ASCC3: variants seen among roughly 807,000 people sequenced by gnomAD.
ASCC3 encodes ASC-1 complex subunit P200.
ASCC3 carries 158 observed loss-of-function variants against 256.3 expected under a neutral mutation model. The observed-to-expected ratio is 0.62, with a 90% CI of 0.54 to 0.70. The LOEUF is 0.70. Ranked by LOEUF, ASCC3 falls within the 30% of genes least tolerant of loss-of-function variation. The pLI, the probability that ASCC3 is intolerant of heterozygous loss-of-function variation, is 0.00. For missense variants in ASCC3, 2,259 were observed against 2,626.0 expected, an observed-to-expected ratio of 0.86 and a Z score of 3.05; for synonymous variants, 948 against 883.4, an observed-to-expected ratio of 1.07 and a Z score of -1.30.
intron 37 of ASCC3, among the ~76,000 whole-genome samples, chr6:100,522,273 G>A (rs562408713): frequency 1.3e-4 from 20 of 152,066 alleles, no homozygotes; most frequent in Admixed American, 2.6e-4. Context: ...TTGTTGATTC[G>A]GAATTGTTTG....
At chr6:100,772,423 T>C (rs1426106881) in intron 8 of ASCC3, among the ~76,000 whole-genome samples, 1 of 152,222 alleles carries the variant, frequency 6.6e-6, no homozygotes, top group Non-Finnish European at 1.5e-5. Context: ...CATCGACAGA[T>C]AAATGGATAA....
chr6:100,692,208 G>A (rs1355658893), intron 13 of ASCC3, among the ~76,000 whole-genome samples: 1 of 151,968 alleles, frequency 6.6e-6, no homozygotes, highest in Non-Finnish European at 1.5e-5. Flanking sequence ...TCTCTGGTAT[G>A]ACTTTCTCTT....
intron 10 of ASCC3, among the ~76,000 whole-genome samples, chr6:100,748,757 C>A (rs1046868325): frequency 1.6e-4 from 25 of 151,954 alleles, no homozygotes; most frequent in African/African-American, 6.0e-4. Context: ...ATTTTTTAGA[C>A]ATAGCAGATC....
chr6:100,658,760 A>G (rs1196226432), intron 16 of ASCC3, among the ~76,000 whole-genome samples: 1 of 151,642 alleles, frequency 6.6e-6, no homozygotes, highest in Admixed American at 6.6e-5. Context: ...TTCAGATTGT[A>G]GAGGCCTTAA....
At chr6:100,699,163 G>A (rs1053355811) in intron 13 of ASCC3, among the ~76,000 whole-genome samples, 4 of 152,160 alleles carry the variant, frequency 2.6e-5, no homozygotes, top group Non-Finnish European at 4.4e-5. Flanking sequence ...TGGTTTGGCT[G>A]TGTCCCCACA....
intron 14 of ASCC3, among the ~76,000 whole-genome samples, chr6:100,678,647 T>C (rs1159738317): frequency 1.3e-5 from 2 of 151,676 alleles, no homozygotes; most frequent in African/African-American, 4.8e-5. Context: ...TCTTACGTTA[T>C]ATATATATAT....
chr6:100,666,237 G>A (rs1227411352), intron 14 of ASCC3, among the ~76,000 whole-genome samples: 1 of 152,064 alleles, frequency 6.6e-6, no homozygotes, highest in African/African-American at 2.4e-5. Flanking sequence ...GAAGGACATG[G>A]GGGTTGTTTC....
At chr6:100,624,054 C>T (rs967458578) in intron 30 of ASCC3, among the ~76,000 whole-genome samples, 1 of 151,240 alleles carries the variant, frequency 6.6e-6, no homozygotes, top group African/African-American at 2.4e-5. Context: ...CAACATGGCA[C>T]ATGTATACAT....
At chr6:100,618,797 T>C (rs1773798306) in intron 30 of ASCC3, among the ~76,000 whole-genome samples, 1 of 152,206 alleles carries the variant, frequency 6.6e-6, no homozygotes, top group African/African-American at 2.4e-5. Flanking sequence ...CTTTGGATTT[T>C]AATTCTCTTT....
chr6:100,725,505 C>T, intron 11 of ASCC3, 34 bp downstream of exon 11: 2 of 1,605,888 alleles, frequency 1.2e-6, no homozygotes, highest in Non-Finnish European at 1.7e-6. Context: ...ATATTTATCC[C>T]TTCAAAATAA....
intron 30 of ASCC3, among the ~76,000 whole-genome samples, chr6:100,611,819 T>G (rs1432723093): frequency 6.6e-6 from 1 of 151,824 alleles, no homozygotes; most frequent in Non-Finnish European, 1.5e-5. Flanking sequence ...AATGGATGCC[T>G]TAGGACATTA....
chr6:100,526,380 G>A (rs747692533), intron 37 of ASCC3, among the ~76,000 whole-genome samples: 1 of 152,178 alleles, frequency 6.6e-6, no homozygotes, highest in Non-Finnish European at 1.5e-5. Context: ...TATAAGGAGA[G>A]GAGCAGGGGG....
At chr6:100,847,386 T>G (rs1279957164) in intron 4 of ASCC3, among the ~76,000 whole-genome samples, 1 of 152,116 alleles carries the variant, frequency 6.6e-6, no homozygotes, top group African/African-American at 2.4e-5. Flanking sequence ...AAAAGACTGA[T>G]CACAGAATTA....
intron 18 of ASCC3, among the ~76,000 whole-genome samples, chr6:100,651,945 G>A (rs925632467): frequency 5.3e-5 from 8 of 151,884 alleles, no homozygotes; most frequent in African/African-American, 1.9e-4. Context: ...ATAAAATTCT[G>A]GTTTGTGCTT....
intron 14 of ASCC3, among the ~76,000 whole-genome samples, chr6:100,664,001 A>G (rs1238681479): frequency 6.6e-6 from 1 of 152,170 alleles, no homozygotes; most frequent in Non-Finnish European, 1.5e-5. Context: ...GGTGAGATTT[A>G]GTATACTTAT....
rs186324386 is a variant in ASCC3, at chr6:100,625,594, T to G, written c.4643-260A>C. 8.3e-4 allele frequency among the ~76,000 whole-genome samples: 127 copies of G among 152,108 alleles called. 2 individuals are homozygous for G. The highest frequency in any genetic ancestry group is 2.4e-4 in the Non-Finnish European group (16 of 67,914). Reference sequence around the variant, plus strand: ...TGCTGGGTCCAAGTTCTATTCTGAGTTGCCAAGGAAGGAGAAACTTAAAGA... The same window carrying G: ...TGCTGGGTCCAAGTTCTATTCTGAGGTGCCAAGGAAGGAGAAACTTAAAGA... On this transcript the variant is annotated intron_variant, in intron 29 of 41. Transcript: ENST00000369162.
At chr6:100,567,266 T>C (rs1052134213) in intron 36 of ASCC3, among the ~76,000 whole-genome samples, 1 of 152,110 alleles carries the variant, frequency 6.6e-6, no homozygotes, top group African/African-American at 2.4e-5. Flanking sequence ...GTAATATATA[T>C]GGCTCAAGCT....
chr6:100,662,169 TA>T, intron 15 of ASCC3, 139 bp from the exon 16 acceptor site: 3 of 1,121,366 alleles, frequency 2.7e-6, no homozygotes, highest in South Asian at 1.5e-5. Context: ...TGTGATAGAG[TA>T]AAATTTTCAC....
chr6:100,625,128 T>C (rs1374437428), intron 30 of ASCC3, 64 bp downstream of exon 30: 9 of 1,572,742 alleles, frequency 5.7e-6, no homozygotes, highest in South Asian at 1.1e-5. Flanking sequence ...ACATATGTAA[T>C]GATCATTCTA....
Sources: allele counts gnomAD v4.1 joint callset (sites outside exome capture counted in the v4.1 genomes callset), GRCh38; gene constraint gnomAD v4.1.1; transcripts MANE v1.5; gene names NCBI Gene and HGNC (gene_info 2026-07-23, HGNC 2026-07-21).